ANK3: variants seen among roughly 807,000 people sequenced by gnomAD.
ANK3 encodes ankyrin-3.
In ANK3, 57 loss-of-function variants were observed where a neutral mutation model predicts 370.9. The observed-to-expected ratio is 0.15, with a 90% CI of 0.12 to 0.19. The LOEUF (loss-of-function observed/expected upper bound fraction) is 0.19, where lower values mean the gene tolerates loss of function less well. Among genes scored for constraint, ANK3 ranks in the 10% least tolerant of loss-of-function variants. The pLI is 1.00. For synonymous variants in ANK3, 1,929 were observed against 1,946.3 expected (o/e 0.99, Z 0.23); for missense variants, 4,439 against 5,302.1 (o/e 0.84, Z 5.06).
intron 1 of ANK3, among the ~76,000 whole-genome samples, chr10:60,357,213 C>G (rs1014965407): frequency 6.6e-6 from 1 of 152,160 alleles, no homozygotes; most frequent in Non-Finnish European, 1.5e-5. Flanking sequence ...AAGGCTCTTT[C>G]TCCAATCCAC....
chr10:60,495,804 C>G (rs1240137395), intron 2 of ANK3, among the ~76,000 whole-genome samples: 1 of 151,974 alleles, frequency 6.6e-6, no homozygotes, highest in East Asian at 1.9e-4. Flanking sequence ...AGATGTCAGC[C>G]CTCAAGCACA....
intron 8 of ANK3, among the ~76,000 whole-genome samples, chr10:60,218,810 T>C (rs770611531): frequency 5.3e-5 from 8 of 152,146 alleles, no homozygotes; most frequent in Admixed American, 1.3e-4. Flanking sequence ...CTGTATTTCC[T>C]GAATTTGCAT....
At chr10:60,564,341 C>T (rs141521670) in intron 2 of ANK3, among the ~76,000 whole-genome samples, 90 of 152,274 alleles carry the variant, frequency 5.9e-4, no homozygotes, top group African/African-American at 2.1e-3. Context: ...GAACACGTGA[C>T]CATGCTCAGT....
rs2094680569 is a variant in ANK3, at chr10:60,143,791, T to C, written c.2615-4704A>G. Among the ~76,000 whole-genome samples the C allele has an allele frequency of 2.0e-5, 3 of 152,348 alleles. No homozygotes were observed. In the South Asian group the frequency reaches 6.2e-4, roughly 32 times the overall value. ...GCAAAGTGATTTTGAATGAATGAGT[T>C]TGTGTTCAAAGAAACCTTGCAGACT... On this transcript the variant is annotated intron_variant, in intron 23 of 43. Coordinates refer to ENST00000280772, the MANE Select transcript of ANK3 (RefSeq NM_020987.5).
chr10:60,121,025 T>C (rs754049699), intron 25 of ANK3, among the ~76,000 whole-genome samples: 5 of 152,188 alleles, frequency 3.3e-5, no homozygotes, highest in African/African-American at 9.7e-5. Flanking sequence ...ATTGCAGCAC[T>C]ATTCACAATA....
chr10:60,725,258 T>A (rs2079925028), intron 1 of ANK3, among the ~76,000 whole-genome samples: 1 of 152,062 alleles, frequency 6.6e-6, no homozygotes, highest in Non-Finnish European at 1.5e-5. Flanking sequence ...TACAGACAAC[T>A]CCATGACGTG....
intron 17 of ANK3, 125 bp from the exon 18 acceptor site, chr10:60,181,552 A>G: frequency 2.2e-6 from 2 of 903,488 alleles, no homozygotes; most frequent in South Asian, 1.5e-5. Context: ...GAAAAAACCT[A>G]TGGAATAAAT....
At chr10:60,418,298 C>T (rs1015667929) in intron 2 of ANK3, among the ~76,000 whole-genome samples, 5 of 152,114 alleles carry the variant, frequency 3.3e-5, no homozygotes, top group African/African-American at 1.2e-4. Flanking sequence ...CTCACTGTTC[C>T]CATTGCTTCT....
chr10:60,289,593 T>C (rs2040867464), intron 1 of ANK3, among the ~76,000 whole-genome samples: 1 of 151,490 alleles, frequency 6.6e-6, no homozygotes, highest in South Asian at 2.1e-4. Flanking sequence ...AGACATGGGT[T>C]TCAGCATGTT....
At chr10:60,569,939 C>A (rs1472028367) in intron 2 of ANK3, among the ~76,000 whole-genome samples, 1 of 152,086 alleles carries the variant, frequency 6.6e-6, no homozygotes, top group Non-Finnish European at 1.5e-5. Context: ...TTTGACCACA[C>A]CCTCCCCTGC....
intron 6 of ANK3, 56 bp from the exon 7 acceptor site, chr10:60,262,013 A>G (rs1407425065): frequency 7.4e-5 from 108 of 1,450,072 alleles, no homozygotes; most frequent in Non-Finnish European, 9.9e-5. Flanking sequence ...CCTGCCTGAC[A>G]GGCAAATATC....
chr10:60,365,036 G>C (rs2059199591), intron 1 of ANK3, among the ~76,000 whole-genome samples: 1 of 148,344 alleles, frequency 6.7e-6, no homozygotes, highest in Non-Finnish European at 1.5e-5. Flanking sequence ...TAAATTCCAA[G>C]TCAAGGCTTT....
At chr10:60,263,031 C>T (rs548241041) in intron 6 of ANK3, among the ~76,000 whole-genome samples, 1 of 152,056 alleles carries the variant, frequency 6.6e-6, no homozygotes, top group East Asian at 1.9e-4. Flanking sequence ...GAAGGCGATG[C>T]AAAGAAGAAG....
At chr10:60,607,065 A>C (rs537304163) in intron 2 of ANK3, among the ~76,000 whole-genome samples, 1 of 152,142 alleles carries the variant, frequency 6.6e-6, no homozygotes, top group Non-Finnish European at 1.5e-5. Context: ...CTATAAAGAA[A>C]AATAGTCTTT....
intron 2 of ANK3, among the ~76,000 whole-genome samples, chr10:60,528,185 G>A (rs569318813): frequency 7.6e-5 from 10 of 132,052 alleles, no homozygotes; most frequent in African/African-American, 2.6e-4. Flanking sequence ...TGCCCAGGCT[G>A]GATTGTAATG....
intron 2 of ANK3, among the ~76,000 whole-genome samples, chr10:60,540,869 T>A (rs888498723): frequency 2.0e-5 from 3 of 151,968 alleles, no homozygotes; most frequent in African/African-American, 7.2e-5. Context: ...TCAGTTTTTT[T>A]AAATGTGCAT....
At chr10:60,686,751 G>A (rs2079273625) in intron 1 of ANK3, among the ~76,000 whole-genome samples, 1 of 151,996 alleles carries the variant, frequency 6.6e-6, no homozygotes, top group Non-Finnish European at 1.5e-5. Flanking sequence ...TTTGAACCAC[G>A]TGAACTCATT....
At chr10:60,068,250 A>G (rs763722460) in intron 37 of ANK3, among the ~76,000 whole-genome samples, 16 of 152,346 alleles carry the variant, frequency 1.1e-4, no homozygotes, top group Non-Finnish European at 2.2e-4. Flanking sequence ...CTGACGAGCT[A>G]GCTAGTTTAA....
chr10:60,709,758 G>T (rs552322395), intron 1 of ANK3, among the ~76,000 whole-genome samples: 3 of 151,254 alleles, frequency 2.0e-5, no homozygotes, highest in African/African-American at 7.3e-5. Context: ...AGCCCAGGAG[G>T]TTGAGGCTGC....
Sources: allele counts gnomAD v4.1 joint callset (sites outside exome capture counted in the v4.1 genomes callset), GRCh38; gene constraint gnomAD v4.1.1; transcripts MANE v1.5; gene names NCBI Gene and HGNC (gene_info 2026-07-23, HGNC 2026-07-21).